Variants in TASP1 observed in about 807,000 individuals in gnomAD.
TASP1 encodes the protein threonine aspartase 1.
TASP1 carries 16 observed loss-of-function variants against 56.6 expected under a neutral mutation model. That is an observed-to-expected ratio of 0.28 (90% confidence interval 0.19 to 0.43). TASP1 has a LOEUF of 0.43. TASP1 is among the 20% of genes least tolerant of loss of function. TASP1 has a pLI of 1.00. For synonymous variants in TASP1, 179 were observed against 184.2 expected (o/e 0.97, Z 0.23); for missense variants, 393 against 511.6 (o/e 0.77, Z 2.24).
chr20:13,352,667 G>A, the TASP1 span, among the ~76,000 whole-genome samples: 2 of 152,170 alleles, frequency 1.3e-5, no homozygotes, highest in African/African-American at 2.4e-5. Context: ...ATTGTCATAA[G>A]TAATTCAAAA....
chr20:13,153,317 A>G, the TASP1 span, among the ~76,000 whole-genome samples: 1 of 152,150 alleles, frequency 6.6e-6, no homozygotes, highest in Admixed American at 6.5e-5. Context: ...GAGCTGAAGC[A>G]CCAATAACCT....
the TASP1 span, among the ~76,000 whole-genome samples, chr20:13,383,258 G>A: frequency 1.7e-4 from 26 of 152,322 alleles, no homozygotes; most frequent in Non-Finnish European, 3.4e-4. Flanking sequence ...TGGAAGCAGG[G>A]AGACCAGTGC....
downstream of TASP1, among the ~76,000 whole-genome samples, chr20:13,387,409 C>T (rs1443795042): frequency 6.6e-6 from 1 of 151,812 alleles, no homozygotes; most frequent in African/African-American, 2.4e-5. Flanking sequence ...TTGGCCAGGC[C>T]AACTCCTGAC....
intron 5 of TASP1, among the ~76,000 whole-genome samples, chr20:13,582,670 G>C (rs1466732966): frequency 6.6e-6 from 1 of 152,054 alleles, no homozygotes; most frequent in Non-Finnish European, 1.5e-5. Flanking sequence ...TTTGAATTTA[G>C]GTATTTAATA....
the TASP1 span, among the ~76,000 whole-genome samples, chr20:13,134,729 T>C: frequency 1.3e-5 from 2 of 151,948 alleles, no homozygotes; most frequent in Non-Finnish European, 2.9e-5. Flanking sequence ...GAGGATGGAA[T>C]TCTGGCAGAT....
At chr20:13,456,884 C>T (rs1287916754) in intron 11 of TASP1, among the ~76,000 whole-genome samples, 1 of 151,868 alleles carries the variant, frequency 6.6e-6, no homozygotes, top group South Asian at 2.1e-4. Context: ...TCAGAATAAC[C>T]CACAAGCCAG....
At chr20:13,467,571 T>C (rs1428896579) in intron 11 of TASP1, among the ~76,000 whole-genome samples, 5 of 152,170 alleles carry the variant, frequency 3.3e-5, no homozygotes, top group African/African-American at 9.6e-5. Flanking sequence ...GGCTTCTATA[T>C]TGATAACATA....
chr20:13,412,823 A>G (rs1218833358), intron 13 of TASP1, among the ~76,000 whole-genome samples: 1 of 152,220 alleles, frequency 6.6e-6, no homozygotes, highest in Non-Finnish European at 1.5e-5. Context: ...GGAATGTTGA[A>G]TTTGGAATTC....
At position 13,623,496 on chromosome 20, in the gene TASP1, C is replaced by T. The variant is rs1292956680; in HGVS notation, c.232G>A (p.Ala78Thr). ...ACTGCGTCAGTTGCAAGAGCACCGG[C>T]CTGCAGCTTTTCAATTGCCTATGAA... ...ACQKAIEKLQ[A>T]GALATDAVTA... Residue 78 changes from alanine to threonine, a missense_variant, in exon 4 of 14, where the codon GCC (alanine) becomes ACC (threonine). Coordinates refer to ENST00000337743, the MANE Select transcript of TASP1 (RefSeq NM_017714.3). The T allele has an allele frequency of 6.9e-6, 11 of 1,605,822 alleles. No homozygotes were observed. The highest frequency in any genetic ancestry group is 9.4e-6 in the Non-Finnish European group (11 of 1,173,068).
the TASP1 span, among the ~76,000 whole-genome samples, chr20:13,264,774 G>A: frequency 6.6e-6 from 1 of 152,230 alleles, no homozygotes; most frequent in African/African-American, 2.4e-5. Context: ...ATTAAAACGT[G>A]TGGATTTGTC....
intron 10 of TASP1, among the ~76,000 whole-genome samples, chr20:13,494,825 G>A (rs1600994410): frequency 6.6e-6 from 1 of 151,920 alleles, no homozygotes; most frequent in African/African-American, 2.4e-5. Context: ...CTAACACTTA[G>A]GACTGTAGAT....
chr20:13,498,804 A>T (rs1232014319), intron 10 of TASP1, among the ~76,000 whole-genome samples: 1 of 152,088 alleles, frequency 6.6e-6, no homozygotes, highest in East Asian at 1.9e-4. Context: ...GGCAAAAAAA[A>T]AAAAAAAAAG....
the TASP1 span, among the ~76,000 whole-genome samples, chr20:13,118,346 A>G: frequency 1.1e-4 from 16 of 150,606 alleles, no homozygotes; most frequent in Admixed American, 1.0e-3. Context: ...CCATTCTCCA[A>G]TATCTTATCA....
the TASP1 span, among the ~76,000 whole-genome samples, chr20:13,294,468 T>A: frequency 6.6e-6 from 1 of 152,202 alleles, no homozygotes; most frequent in African/African-American, 2.4e-5. Context: ...CTCAGGACTC[T>A]TCATATCACA....
At chr20:13,577,415 T>A (rs1170703611) in intron 6 of TASP1, among the ~76,000 whole-genome samples, 25 of 152,126 alleles carry the variant, frequency 1.6e-4, no homozygotes, top group Admixed American at 1.6e-3. Context: ...GCAACTTGAT[T>A]TTTTTACCCT....
intron 7 of TASP1, 27 bp from the exon 8 acceptor site, chr20:13,559,141 AAT>A: frequency 7.1e-7 from 1 of 1,409,632 alleles, no homozygotes. Context: ...AAAAACATTA[AAT>A]ATAACATTTA....
the TASP1 span, among the ~76,000 whole-genome samples, chr20:13,131,838 C>T: frequency 1.3e-5 from 2 of 152,184 alleles, no homozygotes; most frequent in Non-Finnish European, 2.9e-5. Context: ...CCACTGAGAA[C>T]TTTCTGTCGT....
intron 6 of TASP1, among the ~76,000 whole-genome samples, chr20:13,576,268 G>A (rs1321060832): frequency 2.1e-5 from 3 of 145,466 alleles, no homozygotes; most frequent in African/African-American, 5.0e-5. Context: ...AGAAGAGAAA[G>A]GAAGGGAAGA....
rs970851444 is a variant in TASP1 at position 13,399,309 on chromosome 20, T to C, written c.1171-8857A>G. 5.3e-5 allele frequency among the ~76,000 whole-genome samples: 8 copies of C among 152,360 alleles called. No homozygotes were observed. The South Asian group carries it at 1.2e-3, about 24-fold the overall frequency. On this transcript the variant is annotated intron_variant, in intron 13 of 13. Coordinates refer to ENST00000337743, the MANE Select transcript of TASP1 (RefSeq NM_017714.3). ...ATGTTTATATGCTGAGATTCCCTAA[T>C]ATGTATCTCCATCTTAGTCCTTTCT...
Sources: gnomAD v4.1 joint callset for allele counts (sites outside exome capture counted in the v4.1 genomes callset) on GRCh38, gnomAD v4.1.1 for gene constraint, MANE v1.5 for transcripts, NCBI Gene and HGNC (gene_info 2026-07-23, HGNC 2026-07-21) for gene names.